LGSN: variants seen among roughly 807,000 people sequenced by gnomAD.
The protein encoded by LGSN is lengsin, lens protein with glutamine synthetase domain.
Under a neutral mutation model 19.5 loss-of-function variants are expected in LGSN, and 21 were observed. The observed-to-expected ratio is 1.07, with a 90% CI of 0.76 to 1.55. LGSN has a LOEUF of 1.55. Among genes scored for constraint, LGSN ranks in the 40% most tolerant of loss-of-function variants. The pLI is 0.00. For synonymous variants in LGSN, 257 were observed against 215.6 expected, an observed-to-expected ratio of 1.19 and a Z score of -1.68; for missense variants, 673 against 608.5, an observed-to-expected ratio of 1.11 and a Z score of -1.12.
At chr6:63,533,684 G>A in the LGSN span, among the ~76,000 whole-genome samples, 4 of 152,038 alleles carry the variant, frequency 2.6e-5, no homozygotes, top group African/African-American at 9.7e-5. Flanking sequence ...TGGGAGGACA[G>A]GATTAGAATT....
upstream of LGSN, among the ~76,000 whole-genome samples, chr6:63,323,559 T>TACACACACACAC (rs58400159): frequency 3.1e-4 from 41 of 132,828 alleles, no homozygotes; most frequent in African/African-American, 8.8e-4. Context: ...AAACCTCATA[T>TACACACACACAC]ACACACACAC....
the LGSN span, among the ~76,000 whole-genome samples, chr6:63,550,717 T>C: frequency 6.6e-6 from 1 of 150,910 alleles, no homozygotes; most frequent in Non-Finnish European, 1.5e-5. Context: ...CTTCACCTCC[T>C]GGGTTCAAGC....
At chr6:63,512,300 C>T in the LGSN span, among the ~76,000 whole-genome samples, 2 of 152,174 alleles carry the variant, frequency 1.3e-5, no homozygotes, top group African/African-American at 4.8e-5. Flanking sequence ...CCAGGCTGGT[C>T]TGGAACTCCT....
chr6:63,333,544 AAAG>A, the LGSN span, among the ~76,000 whole-genome samples: 1 of 147,510 alleles, frequency 6.8e-6, no homozygotes, highest in African/African-American at 2.6e-5. Context: ...AGAACGAAAG[AAAG>A]AAAAAGAAAG....
the LGSN span, among the ~76,000 whole-genome samples, chr6:63,344,754 G>T: frequency 6.7e-6 from 1 of 148,714 alleles, no homozygotes. Context: ...AAAAGAAAAA[G>T]AAAAAAAAAC....
the LGSN span, among the ~76,000 whole-genome samples, chr6:63,446,122 T>A: frequency 6.6e-6 from 1 of 151,750 alleles, no homozygotes; most frequent in African/African-American, 2.4e-5. Context: ...TGGTGGCACA[T>A]TCCTGTAGTC....
the LGSN span, among the ~76,000 whole-genome samples, chr6:63,425,154 C>G: frequency 1.5e-4 from 23 of 152,288 alleles, no homozygotes; most frequent in Admixed American, 3.9e-4. Flanking sequence ...AACTGTATCA[C>G]TCACAGAAGG....
At chr6:63,425,204 T>C in the LGSN span, among the ~76,000 whole-genome samples, 2 of 152,192 alleles carry the variant, frequency 1.3e-5, no homozygotes, top group African/African-American at 4.8e-5. Flanking sequence ...CAGAAGCAGT[T>C]TGACAGTTTC....
At chr6:63,326,528 G>A in the LGSN span, among the ~76,000 whole-genome samples, 712 of 152,306 alleles carry the variant, frequency 4.7e-3, 4 homozygotes, top group African/African-American at 0.011. Flanking sequence ...GGCTTGGGCC[G>A]CACAGGAGCC....
At chr6:63,572,611 C>G in the LGSN span, 1 of 419,418 alleles carries the variant, frequency 2.4e-6, no homozygotes, top group Non-Finnish European at 4.1e-6. Flanking sequence ...CGCTCCGCCA[C>G]GACCACCGCC....
chr6:63,514,705 G>A, the LGSN span, among the ~76,000 whole-genome samples: 1 of 152,088 alleles, frequency 6.6e-6, no homozygotes, highest in Non-Finnish European at 1.5e-5. Flanking sequence ...TGTTGAACAA[G>A]TGCTTTTTGT....
chr6:63,282,801 G>C (rs925892483), intron 3 of LGSN, among the ~76,000 whole-genome samples: 1 of 150,592 alleles, frequency 6.6e-6, no homozygotes, highest in Admixed American at 6.6e-5. Context: ...TTATACACAC[G>C]CACACACACA....
At chr6:63,496,602 TTA>T in the LGSN span, among the ~76,000 whole-genome samples, 1 of 151,434 alleles carries the variant, frequency 6.6e-6, no homozygotes, top group African/African-American at 2.4e-5. Context: ...TGAAGTAACT[TTA>T]GAGGTATTTG....
chr6:63,313,171 A>C (rs1453776941), intron 1 of LGSN, among the ~76,000 whole-genome samples: 1 of 152,142 alleles, frequency 6.6e-6, no homozygotes, highest in Non-Finnish European at 1.5e-5. Flanking sequence ...AGAACTAAAA[A>C]CCCACCATAG....
At chr6:63,458,436 G>A in the LGSN span, among the ~76,000 whole-genome samples, 2 of 152,098 alleles carry the variant, frequency 1.3e-5, no homozygotes, top group African/African-American at 4.8e-5. Context: ...TAATTTTCTA[G>A]ATTTTTTTCA....
the LGSN span, among the ~76,000 whole-genome samples, chr6:63,438,321 A>G: frequency 4.7e-3 from 712 of 152,286 alleles, 4 homozygotes; most frequent in South Asian, 0.011. Context: ...AAAACACCAA[A>G]AGCAATGGCA....
chr6:63,445,891 C>T, the LGSN span, among the ~76,000 whole-genome samples: 3 of 152,112 alleles, frequency 2.0e-5, no homozygotes, highest in Admixed American at 2.0e-4. Flanking sequence ...TCTCAACCCC[C>T]ACCGCCCCAT....
chr6:63,282,819 T>C (rs139660819), intron 3 of LGSN, among the ~76,000 whole-genome samples: 277 of 152,192 alleles, frequency 1.8e-3, no homozygotes, highest in African/African-American at 6.1e-3. Flanking sequence ...ACACACACGC[T>C]TACTGTGGGA....
the LGSN span, among the ~76,000 whole-genome samples, chr6:63,486,597 TA>T: frequency 6.6e-6 from 1 of 151,854 alleles, no homozygotes; most frequent in Admixed American, 6.6e-5. Context: ...TGGGTTTGTG[TA>T]ACAGCTAACC....
Sources: allele counts gnomAD v4.1 joint callset (sites outside exome capture counted in the v4.1 genomes callset), GRCh38; gene constraint gnomAD v4.1.1; transcripts MANE v1.5; gene names NCBI Gene and HGNC (gene_info 2026-07-23, HGNC 2026-07-21).